Variants in COL10A1 observed in about 807,000 individuals in gnomAD.
COL10A1 encodes the protein collagen alpha-1(X) chain.
A neutral mutation model predicts 18.2 loss-of-function variants in COL10A1; 10 were observed. The ratio of observed to expected loss-of-function variants is 0.55; its 90% CI spans 0.34 to 0.93. COL10A1 has a LOEUF of 0.93. Ranked by LOEUF, COL10A1 falls within the 40% of genes least tolerant of loss-of-function variation. COL10A1 has a pLI of 0.02. For synonymous variants in COL10A1, 330 were observed against 316.6 expected (o/e 1.04, Z -0.45); for missense variants, 897 against 853.5 (o/e 1.05, Z -0.64).
chr6:116,200,215 C>CT, the COL10A1 span, among the ~76,000 whole-genome samples: 1 of 151,974 alleles, frequency 6.6e-6, no homozygotes, highest in African/African-American at 2.4e-5. Context: ...TACAAAATAT[C>CT]TAACTAGTAC....
chr6:116,191,944 A>G, the COL10A1 span, among the ~76,000 whole-genome samples: 2 of 152,044 alleles, frequency 1.3e-5, no homozygotes, highest in Admixed American at 6.6e-5. Flanking sequence ...ATTGATTGCC[A>G]TGATTTTTTG....
the COL10A1 span, among the ~76,000 whole-genome samples, chr6:116,167,885 A>G: frequency 6.6e-6 from 1 of 152,100 alleles, no homozygotes; most frequent in Non-Finnish European, 1.5e-5. Flanking sequence ...TTTTTATTTC[A>G]CTTTCATTCT....
rs1258786913 is a variant in COL10A1, at chr6:116,121,863, A to G, written c.253T>C (p.Tyr85His). Residue 85 changes from tyrosine to histidine, a missense_variant, in exon 3 of 3, where the codon TAC becomes CAC. Transcript: ENST00000651968. ...GPSGPPGKPG[Y>H]GSPGLQGEPG... Reference sequence around the variant, plus strand: ...TCTCCTTGGAGTCCAGGACTTCCGTAGCCTGGTTTTCCTGGTGGTCCAGAA... The same window carrying G: ...TCTCCTTGGAGTCCAGGACTTCCGTGGCCTGGTTTTCCTGGTGGTCCAGAA... The G allele has an allele frequency of 6.2e-7, 1 of 1,613,692 alleles. No individual in the cohort carries two copies. Among genetic ancestry groups the G allele is most frequent in the East Asian group, 2.2e-5 (1 of 44,866 alleles).
At chr6:116,184,514 C>T in the COL10A1 span, among the ~76,000 whole-genome samples, 3 of 152,122 alleles carry the variant, frequency 2.0e-5, no homozygotes, top group Non-Finnish European at 4.4e-5. Flanking sequence ...TCCGTCTGAT[C>T]CTGGCCTTTT....
chr6:116,126,227 C>T (rs1217208593), upstream of COL10A1: 1 of 152,170 alleles, frequency 6.6e-6, no homozygotes, highest in Non-Finnish European at 1.5e-5. Context: ...AGTTGGTAAG[C>T]ACTAATTATG....
the COL10A1 span, among the ~76,000 whole-genome samples, chr6:116,205,725 G>C: frequency 4.6e-5 from 7 of 151,926 alleles, no homozygotes; most frequent in Non-Finnish European, 8.8e-5. Flanking sequence ...TTCACTAATT[G>C]TATTTACATC....
the COL10A1 span, among the ~76,000 whole-genome samples, chr6:116,198,707 C>T: frequency 6.6e-6 from 1 of 151,840 alleles, no homozygotes; most frequent in South Asian, 2.1e-4. Flanking sequence ...CCAGCCTGGG[C>T]AACAGGGGAA....
intron 1 of COL10A1, among the ~76,000 whole-genome samples, chr6:116,144,863 C>T (rs1286303773): frequency 6.6e-6 from 1 of 152,158 alleles, no homozygotes; most frequent in Non-Finnish European, 1.5e-5. Flanking sequence ...CTCTGTTTGG[C>T]ACATAGTTCA....
Position 116,121,754 on chromosome 6 carries a change from CCT to C in COL10A1, c.360_361del (p.Gly121ThrfsTer80). The C allele has an allele frequency of 1.2e-6, 2 of 1,613,880 alleles. No individual in the cohort carries two copies. Among genetic ancestry groups the C allele is most frequent in the South Asian group, 1.1e-5 (1 of 91,050 alleles). On this transcript the variant is annotated frameshift_variant, in exon 3 of 3. Coordinates refer to ENST00000651968, the MANE Select transcript of COL10A1 (RefSeq NM_000493.4). LOFTEE classifies it low-confidence loss of function (END_TRUNC). ...AACATCTCCTTTTGGTCCATATGGT[CCT>C]CTCTCTCCTGGTTTTCCTGGGAGTC...
At chr6:116,190,414 A>G in the COL10A1 span, among the ~76,000 whole-genome samples, 1 of 151,904 alleles carries the variant, frequency 6.6e-6, no homozygotes, top group East Asian at 1.9e-4. Flanking sequence ...AACAGAGGGG[A>G]AATGTGGATA....
chr6:116,210,870 GC>G, the COL10A1 span, among the ~76,000 whole-genome samples: 1 of 151,924 alleles, frequency 6.6e-6, no homozygotes, highest in Non-Finnish European at 1.5e-5. Context: ...AAATATACTG[GC>G]AGGAATCACA....
rs143025303 is a variant in COL10A1, at chr6:116,133,514, C to T, written c.-15-8007G>A. On this transcript the variant is annotated intron_variant, in intron 1 of 1. Coordinates refer to the COL10A1 transcript ENST00000418500. ...CGAGTACCTGTAGAATATTAAGTAC[C>T]TATAGGGCACCTGAGTACCTGTAGG... is the stretch of plus-strand genomic sequence containing the variant. 9.2e-3 allele frequency among the ~76,000 whole-genome samples: 1,406 copies of T among 152,176 alleles called. 18 individuals carry two copies. Among genetic ancestry groups the T allele is most frequent in the African/African-American group, 0.031 (1,297 of 41,536 alleles).
intron 1 of COL10A1, chr6:116,125,737 A>G (rs987031624): frequency 1.4e-5 from 5 of 349,676 alleles, no homozygotes; most frequent in African/African-American, 8.5e-5. Flanking sequence ...AAAATGATTT[A>G]CCTAAAGGAA....
At chr6:116,194,746 G>A in the COL10A1 span, among the ~76,000 whole-genome samples, 1 of 152,022 alleles carries the variant, frequency 6.6e-6, no homozygotes, top group Admixed American at 6.6e-5. Context: ...TATCAGAAGA[G>A]TTAGAAACAA....
the COL10A1 span, among the ~76,000 whole-genome samples, chr6:116,173,668 AATTT>A: frequency 6.6e-6 from 1 of 152,084 alleles, no homozygotes; most frequent in Non-Finnish European, 1.5e-5. Flanking sequence ...TTATTTTTGT[AATTT>A]ATTTATTTAT....
intron 1 of COL10A1, among the ~76,000 whole-genome samples, chr6:116,151,582 T>C (rs958063252): frequency 7.9e-5 from 12 of 152,238 alleles, no homozygotes; most frequent in Non-Finnish European, 1.5e-5. Flanking sequence ...GGTATGCTTT[T>C]AAAATTCACA....
the COL10A1 span, among the ~76,000 whole-genome samples, chr6:116,196,957 T>C: frequency 1.3e-5 from 2 of 151,536 alleles, no homozygotes; most frequent in East Asian, 3.9e-4. Context: ...CAGAGTTCTA[T>C]CTAGTTGCAT....
At chr6:116,196,097 T>A in the COL10A1 span, among the ~76,000 whole-genome samples, 2 of 152,022 alleles carry the variant, frequency 1.3e-5, no homozygotes, top group Admixed American at 1.3e-4. Context: ...TTCTGTTATT[T>A]CCTGACATCA....
rs541004049 is a variant in COL10A1, at chr6:116,138,607, A to G, written c.-15-13100T>C. 3.3e-5 allele frequency among the ~76,000 whole-genome samples: 5 copies of G among 152,114 alleles called. No homozygotes were observed. In the South Asian group the frequency reaches 6.2e-4, roughly 19 times the overall value. ...TTTTTATTTCGAAGAAGTGTCAAAC[A>G]TGCTTATTTTTTAGGACATCATGGC... On this transcript the variant is annotated intron_variant, in intron 1 of 1. Transcript: ENST00000418500.
Sources: gnomAD v4.1 joint callset for allele counts (sites outside exome capture counted in the v4.1 genomes callset) on GRCh38, gnomAD v4.1.1 for gene constraint, MANE v1.5 for transcripts, NCBI Gene and HGNC (gene_info 2026-07-23, HGNC 2026-07-21) for gene names.